Variants in FLACC1 observed in about 807,000 individuals in gnomAD.
FLACC1 encodes flagellum-associated coiled-coil domain-containing protein 1.
A neutral mutation model predicts 62.8 loss-of-function variants in FLACC1; 66 were observed. The observed-to-expected ratio is 1.05, with a 90% CI of 0.86 to 1.29. The LOEUF (loss-of-function observed/expected upper bound fraction) is 1.29, where lower values mean the gene tolerates loss of function less well. FLACC1 is among the 50% of genes most tolerant of loss of function. FLACC1 has a pLI of 0.00. For synonymous variants in FLACC1, 156 were observed against 161.0 expected (o/e 0.97, Z 0.24); for missense variants, 452 against 489.1 (o/e 0.92, Z 0.71).
intron 9 of FLACC1, among the ~76,000 whole-genome samples, chr2:201,316,804 A>G (rs1220592706): frequency 1.3e-5 from 2 of 152,210 alleles, no homozygotes; most frequent in East Asian, 3.8e-4. Context: ...AAAAATCCTT[A>G]ACAAAATACT....
chr2:201,344,340 TCTGGCATGGTGAGAG>T (rs1950872171), intron 5 of FLACC1, 77 bp from the exon 6 acceptor site: 1 of 1,247,012 alleles, frequency 8.0e-7, no homozygotes, highest in Non-Finnish European at 1.2e-6. Flanking sequence ...CATGACTGAC[TCTGGCATGGTGAGAG>T]CTGGCCTGGT....
upstream of FLACC1, among the ~76,000 whole-genome samples, chr2:201,359,791 C>G (rs375478017): frequency 5.9e-5 from 9 of 152,180 alleles, no homozygotes; most frequent in East Asian, 1.5e-3. Flanking sequence ...TGAAGAGAGA[C>G]TTTCAAAGAT....
intron 11 of FLACC1, among the ~76,000 whole-genome samples, chr2:201,302,852 G>A (rs1481026248): frequency 2.0e-5 from 3 of 152,116 alleles, no homozygotes; most frequent in Admixed American, 6.5e-5. Context: ...ACAAAATGAA[G>A]GCAGAAATAA....
intron 7 of FLACC1, 119 bp from the exon 8 acceptor site, chr2:201,330,952 A>T: frequency 3.4e-5 from 19 of 560,656 alleles, no homozygotes; most frequent in South Asian, 7.6e-5. Flanking sequence ...TCACTTTTTT[A>T]TTTTTAAAAT....
At chr2:201,344,065 G>C (rs1950864335) in intron 6 of FLACC1, 105 bp downstream of exon 6, 1 of 926,398 alleles carries the variant, frequency 1.1e-6, no homozygotes, top group Admixed American at 2.2e-5. Context: ...GGACAACATG[G>C]CTCATATGAG....
At chr2:201,289,308 G>T in intron 14 of FLACC1, 149 bp downstream of exon 14, 2 of 663,368 alleles carry the variant, frequency 3.0e-6, no homozygotes, top group East Asian at 5.5e-5. Context: ...TGTGTCACTG[G>T]CCTAGAGTGA....
intron 14 of FLACC1, 145 bp downstream of exon 14, chr2:201,289,312 A>G: frequency 1.5e-6 from 1 of 681,404 alleles, no homozygotes; most frequent in South Asian, 1.8e-5. Flanking sequence ...TCACTGGCCT[A>G]GAGTGACATA....
chr2:201,330,508 C>G lies in FLACC1; in HGVS notation c.637G>C (p.Glu213Gln). ...AACATATTCTTCAAATACTTGTATT[C>G]TTTTCCCATCTCCTCTGGATAAAAG... ...AQEKLEEMGK[E>Q]YKYLKNMFRT... The change falls in exon 9 of 15, where the codon GAA becomes CAA. Residue 213 changes from glutamate (E) to glutamine (Q), a missense_variant. By Grantham distance (29) the Glu-to-Gln change is conservative (BLOSUM62 2). Transcript: ENST00000392257. 1 of 1,613,772 alleles carries G rather than the reference C, an allele frequency of 6.2e-7. No individual in the cohort carries two copies. Among genetic ancestry groups the G allele is most frequent in the Non-Finnish European group, 8.5e-7 (1 of 1,179,870 alleles).
intron 4 of FLACC1, among the ~76,000 whole-genome samples, chr2:201,347,664 CTAGA>C (rs912835039): frequency 6.9e-6 from 1 of 145,094 alleles, no homozygotes; most frequent in Non-Finnish European, 1.5e-5. Context: ...AGAAAAGAAA[CTAGA>C]TAAACACAGA....
At chr2:201,350,442 G>T (rs1420327501) in intron 3 of FLACC1, among the ~76,000 whole-genome samples, 1 of 152,004 alleles carries the variant, frequency 6.6e-6, no homozygotes, top group Non-Finnish European at 1.5e-5. Flanking sequence ...ACTTTGGGAG[G>T]CTCAGGCGGG....
At chr2:201,335,552 T>G (rs1200367691) in intron 7 of FLACC1, among the ~76,000 whole-genome samples, 9 of 152,208 alleles carry the variant, frequency 5.9e-5, no homozygotes, top group Non-Finnish European at 1.3e-4. Context: ...TCTGTTTTTT[T>G]ATGCCAGTAT....
intron 12 of FLACC1, among the ~76,000 whole-genome samples, chr2:201,291,078 C>T (rs546277607): frequency 1.3e-5 from 2 of 152,296 alleles, no homozygotes; most frequent in East Asian, 3.9e-4. Flanking sequence ...GGCCTGCCTG[C>T]CTCTGTAGAC....
At chr2:201,291,619 C>T (rs2125532810) in intron 12 of FLACC1, among the ~76,000 whole-genome samples, 1 of 152,300 alleles carries the variant, frequency 6.6e-6, no homozygotes, top group East Asian at 1.9e-4. Flanking sequence ...ATCAGAGTGC[C>T]TCTCCTCCTC....
intron 7 of FLACC1, among the ~76,000 whole-genome samples, chr2:201,334,077 G>A (rs1397206253): frequency 6.6e-6 from 1 of 152,160 alleles, no homozygotes; most frequent in Non-Finnish European, 1.5e-5. Context: ...AGCACCTGTT[G>A]TTTCCTGACT....
intron 3 of FLACC1, among the ~76,000 whole-genome samples, chr2:201,349,679 A>G (rs909679373): frequency 5.3e-5 from 8 of 152,262 alleles, no homozygotes; most frequent in African/African-American, 1.9e-4. Flanking sequence ...GTAAAATGCG[A>G]GTAAAAATTT....
chr2:201,346,537 A>T lies in FLACC1; in HGVS notation c.368+5T>A. ...AGCAGCTGCATGTTGCTGCAACAGC[A>T]TTACCTGGAAAATCTGCCTTTGTCC... is the stretch of plus-strand genomic sequence containing the variant. On this transcript the variant is annotated splice_donor_5th_base_variant and intron_variant, in intron 5 of 14. Coordinates refer to ENST00000392257, the MANE Select transcript of FLACC1 (RefSeq NM_001127391.3). The surrounding 1 kb of genome is among the most constrained non-coding windows in gnomAD (Gnocchi z 4.0). 1 of 1,613,656 alleles carries T rather than the reference A, an allele frequency of 6.2e-7. No homozygotes were observed. The highest frequency in any genetic ancestry group is 8.5e-7 in the Non-Finnish European group (1 of 1,179,926).
intron 10 of FLACC1, 65 bp from the exon 11 acceptor site, chr2:201,307,687 C>A: frequency 1.7e-6 from 2 of 1,148,576 alleles, no homozygotes; most frequent in South Asian, 1.2e-5. Flanking sequence ...AATGAGAAAC[C>A]CAGAATATCT....
chr2:201,339,066 C>CTTTTTTTTTTTTTTTT (rs1559414089), intron 7 of FLACC1, among the ~76,000 whole-genome samples: 1 of 151,872 alleles, frequency 6.6e-6, no homozygotes, highest in African/African-American at 2.4e-5. Flanking sequence ...TGTTGGGAGA[C>CTTTTTTTTTTTTTTTT]TTTTTATTAC....
At chr2:201,345,602 TAAG>T (rs760559366) in intron 5 of FLACC1, among the ~76,000 whole-genome samples, 5 of 151,916 alleles carry the variant, frequency 3.3e-5, no homozygotes, top group Non-Finnish European at 7.4e-5. Flanking sequence ...GTAGTGCAGT[TAAG>T]AAGTAAGATG....
Sources: allele counts gnomAD v4.1 joint callset (sites outside exome capture counted in the v4.1 genomes callset), GRCh38; gene constraint gnomAD v4.1.1; non-coding constraint Gnocchi (gnomAD v3.1); transcripts MANE v1.5; gene names NCBI Gene and HGNC (gene_info 2026-07-23, HGNC 2026-07-21).